Variants in TANC1 observed in about 807,000 individuals in gnomAD.
The protein encoded by TANC1 is protein TANC1.
Under a neutral mutation model 149.7 loss-of-function variants are expected in TANC1, and 77 were observed. The observed-to-expected ratio is 0.51, with a 90% confidence interval of 0.43 to 0.62. TANC1 has a LOEUF of 0.62. TANC1 is among the 20% of genes least tolerant of loss of function. The pLI, the probability that TANC1 is intolerant of heterozygous loss-of-function variation, is 0.00. For synonymous variants in TANC1, 854 were observed against 925.0 expected, an observed-to-expected ratio of 0.92 and a Z score of 1.39; for missense variants, 1,985 against 2,321.8, an observed-to-expected ratio of 0.85 and a Z score of 2.98.
intron 4 of TANC1, among the ~76,000 whole-genome samples, chr2:159,108,905 G>A (rs959078921): frequency 4.6e-5 from 7 of 152,186 alleles, no homozygotes; most frequent in Non-Finnish European, 8.8e-5. Context: ...AGAAAGCCTT[G>A]CCTGGGGTGG....
intron 7 of TANC1, among the ~76,000 whole-genome samples, chr2:159,153,229 A>G (rs974855329): frequency 2.6e-5 from 4 of 152,176 alleles, no homozygotes; most frequent in Non-Finnish European, 4.4e-5. Context: ...CCCATTCCAC[A>G]TGGGCTTTGT....
At chr2:159,019,894 AGC>A (rs1303758018) in intron 2 of TANC1, among the ~76,000 whole-genome samples, 1 of 151,586 alleles carries the variant, frequency 6.6e-6, no homozygotes, top group Non-Finnish European at 1.5e-5. Flanking sequence ...GTGCAGCTGC[AGC>A]TTTCATATAG....
chr2:158,987,128 C>T (rs2035087474), intron 1 of TANC1, among the ~76,000 whole-genome samples: 1 of 149,462 alleles, frequency 6.7e-6, no homozygotes, highest in Non-Finnish European at 1.5e-5. Context: ...GCAGGAGAAT[C>T]GCTTGAACCC....
chr2:159,141,891 AATT>A (rs2051413998), intron 5 of TANC1, among the ~76,000 whole-genome samples: 1 of 152,204 alleles, frequency 6.6e-6, no homozygotes, highest in Non-Finnish European at 1.5e-5. Context: ...CTCTTACAAC[AATT>A]GCCACTTTAT....
At chr2:159,154,644 A>G (rs184491594) in intron 7 of TANC1, among the ~76,000 whole-genome samples, 22 of 152,346 alleles carry the variant, frequency 1.4e-4, no homozygotes, top group African/African-American at 4.8e-4. Flanking sequence ...CTTCTGACAT[A>G]AATGTCTTTA....
At chr2:159,228,130 C>G (rs893968562) in intron 25 of TANC1, 165 bp downstream of exon 25, 2 of 727,878 alleles carry the variant, frequency 2.7e-6, no homozygotes, top group Non-Finnish European at 4.5e-6. Flanking sequence ...CCGTGACTAT[C>G]GTTTGGTCAC....
intron 19 of TANC1, among the ~76,000 whole-genome samples, chr2:159,209,522 G>A (rs2058847005): frequency 6.6e-6 from 1 of 152,168 alleles, no homozygotes; most frequent in South Asian, 2.1e-4. Flanking sequence ...GCTGCTTTCA[G>A]CCAGGGAATG....
intron 4 of TANC1, 136 bp downstream of exon 4, chr2:159,097,970 CT>C (rs75989532): frequency 0.22 from 116,635 of 536,100 alleles, 1 homozygote; most frequent in East Asian, 0.28. Flanking sequence ...AGAAATAAAT[CT>C]TTTTTTTTTT....
chr2:159,180,306 A>T (rs1448912878), intron 14 of TANC1, among the ~76,000 whole-genome samples: 1 of 152,228 alleles, frequency 6.6e-6, no homozygotes, highest in Admixed American at 6.5e-5. Context: ...GCCAAGTCAG[A>T]TTACTTTCTA....
Position 158,968,738 on chromosome 2 carries a change from T to G in TANC1, c.-170T>G, listed in dbSNP as rs2032324924. The stretch of plus-strand genomic sequence containing the variant: ...CTGGCCTCGCCCCGAGGCCCGGCCC[T>G]GGGTGTGGGGAACCGCGCTGAGGAG... On this transcript the variant is annotated 5_prime_UTR_variant, in exon 1 of 27. Transcript: ENST00000263635. 1 of 152,078 alleles carries G rather than the reference T, an allele frequency of 6.6e-6. No individual in the cohort carries two copies. The highest frequency in any genetic ancestry group is 1.5e-5 in the Non-Finnish European group (1 of 68,008). 9.4% of individuals were successfully genotyped at this position (152,078 alleles called of 1,614,324 possible).
chr2:159,179,208 T>C, intron 14 of TANC1, 45 bp downstream of exon 14: 1 of 1,566,702 alleles, frequency 6.4e-7, no homozygotes, highest in Non-Finnish European at 8.6e-7. Flanking sequence ...GAATCTCGTG[T>C]GCAGTTGGGG....
chr2:158,981,491 T>TAATATA lies in TANC1; in HGVS notation c.-126+12709_-126+12710insAATATA, dbSNP rs1479047653. On this transcript the variant is annotated intron_variant, in intron 1 of 26. Coordinates refer to ENST00000263635, the MANE Select transcript of TANC1 (RefSeq NM_033394.3). ...AAGTTTAGCAATTAATATATAGCTT[T>TAATATA]TATATATATATATATATATATATAT... Among the ~76,000 whole-genome samples the TAATATA allele has an allele frequency of 6.1e-4, 21 of 34,354 alleles. 3 individuals carry two copies. Among genetic ancestry groups the TAATATA allele is most frequent in the African/African-American group, 6.9e-4 (9 of 13,016 alleles). The allele number at this position is 34,354 out of a possible 152,430, so 22.5% of individuals were successfully genotyped here. A position where few individuals can be genotyped will look rare whatever the true frequency, so the allele number is the denominator to read the frequency against.
chr2:159,041,397 C>T (rs1414076234), intron 2 of TANC1, among the ~76,000 whole-genome samples: 1 of 152,198 alleles, frequency 6.6e-6, no homozygotes, highest in Non-Finnish European at 1.5e-5. Flanking sequence ...GAGGAGGAGT[C>T]TACAGAGGCA....
At chr2:159,210,167 G>A (rs1165698045) in intron 19 of TANC1, among the ~76,000 whole-genome samples, 2 of 152,162 alleles carry the variant, frequency 1.3e-5, no homozygotes, top group African/African-American at 4.8e-5. Flanking sequence ...ATACATCCGT[G>A]GGTAATGCAT....
chr2:159,117,828 G>A (rs1336453915), intron 4 of TANC1, among the ~76,000 whole-genome samples: 1 of 150,450 alleles, frequency 6.6e-6, no homozygotes, highest in East Asian at 2.0e-4. Flanking sequence ...GGCTGTGGTG[G>A]TTGCTCAGAC....
intron 8 of TANC1, among the ~76,000 whole-genome samples, chr2:159,167,136 G>A (rs1204735786): frequency 1.3e-5 from 2 of 152,200 alleles, no homozygotes; most frequent in Admixed American, 6.5e-5. Context: ...AAGGGAAATA[G>A]GCAACACTTT....
chr2:158,975,614 C>T (rs950978864), intron 1 of TANC1, among the ~76,000 whole-genome samples: 6 of 149,964 alleles, frequency 4.0e-5, no homozygotes, highest in South Asian at 4.2e-4. Context: ...AGGAGGCGGG[C>T]GGGTAGAGAC....
intron 1 of TANC1, among the ~76,000 whole-genome samples, chr2:158,978,809 T>C (rs1332699669): frequency 6.6e-6 from 1 of 152,174 alleles, no homozygotes; most frequent in African/African-American, 2.4e-5. Flanking sequence ...ATGTTAGATA[T>C]ATGCTCCCCT....
At chr2:159,170,420 G>A in intron 9 of TANC1, 104 bp from the exon 10 acceptor site, 1 of 1,027,770 alleles carries the variant, frequency 9.7e-7, no homozygotes, top group East Asian at 2.6e-5. Flanking sequence ...ATCCTAGTGG[G>A]GGTAAAGCTA....
Sources: gnomAD v4.1 joint callset for allele counts (sites outside exome capture counted in the v4.1 genomes callset) on GRCh38, gnomAD v4.1.1 for gene constraint, MANE v1.5 for transcripts, NCBI Gene and HGNC (gene_info 2026-07-23, HGNC 2026-07-21) for gene names.